NAXD: variants seen among roughly 807,000 people sequenced by gnomAD.
NAXD encodes the protein NAD(P)HX dehydratase.
NAXD carries 22 observed loss-of-function variants against 35.8 expected under a neutral mutation model. That is an observed-to-expected ratio of 0.62 (90% CI 0.44 to 0.88). NAXD has a LOEUF of 0.88. Among genes scored for constraint, NAXD ranks in the 40% least tolerant of loss-of-function variants. The pLI, the probability that NAXD is intolerant of heterozygous loss-of-function variation, is 0.00. For missense variants in NAXD, 428 were observed against 437.7 expected, an observed-to-expected ratio of 0.98 and a Z score of 0.20; for synonymous variants, 189 against 177.6, an observed-to-expected ratio of 1.06 and a Z score of -0.51.
Position 110,637,193 on chromosome 13 carries a change from C to T in NAXD, c.783C>T (p.Gly261=), listed in dbSNP as rs1886957631. ...GAGGGCAAGGGGACCTCCTGTCGGG[C>T]TCCCTGGGCGTCCTGGTACACTGGG... ...RCGGQGDLLS[G]SLGVLVHWAL... Residue 261 remains glycine (G), a synonymous_variant, in exon 9 of 10, where the codon GGC becomes GGT. Transcript: ENST00000680254. 7 of 1,614,028 alleles carry T rather than the reference C, an allele frequency of 4.3e-6. No homozygotes were observed. Among genetic ancestry groups the T allele is most frequent in the Admixed American group, 1.7e-5 (1 of 60,020 alleles).
chr13:110,625,573 A>C (rs1177996811), intron 4 of NAXD, among the ~76,000 whole-genome samples: 1 of 152,192 alleles, frequency 6.6e-6, no homozygotes, highest in East Asian at 1.9e-4. Context: ...CAGAAGGTGG[A>C]AACGAAGGGC....
At chr13:110,633,676 GT>G (rs1170291237) in intron 5 of NAXD, among the ~76,000 whole-genome samples, 1 of 150,396 alleles carries the variant, frequency 6.6e-6, no homozygotes, top group African/African-American at 2.4e-5. Flanking sequence ...CTACTGCAGT[GT>G]ATAATCTTGT....
chr13:110,617,398 A>G (rs1193121752), intron 1 of NAXD, among the ~76,000 whole-genome samples: 4 of 152,176 alleles, frequency 2.6e-5, no homozygotes, highest in Non-Finnish European at 5.9e-5. Context: ...TAAGTCGCCT[A>G]TTGTCAAGGC....
At chr13:110,618,012 T>C (rs1886125965) in intron 1 of NAXD, among the ~76,000 whole-genome samples, 1 of 152,128 alleles carries the variant, frequency 6.6e-6, no homozygotes, top group African/African-American at 2.4e-5. Flanking sequence ...GGGTGCTGAT[T>C]CTCTGCCAGT....
At chr13:110,633,021 G>T (rs942690246) in intron 5 of NAXD, among the ~76,000 whole-genome samples, 4 of 152,192 alleles carry the variant, frequency 2.6e-5, no homozygotes, top group South Asian at 2.1e-4. Flanking sequence ...GTCCTGCGCC[G>T]TGCGTTCGCA....
At chr13:110,633,810 G>A (rs1431177947) in intron 5 of NAXD, among the ~76,000 whole-genome samples, 1 of 151,704 alleles carries the variant, frequency 6.6e-6, no homozygotes, top group Non-Finnish European at 1.5e-5. Context: ...ATCCTATCAG[G>A]GAAAAATGAT....
At chr13:110,624,118 A>G (rs1431463327) in intron 2 of NAXD, 116 bp from the exon 3 acceptor site, 6 of 638,310 alleles carry the variant, frequency 9.4e-6, no homozygotes, top group East Asian at 8.0e-5. Flanking sequence ...TCTGTTATTT[A>G]TTGATAAACC....
chr13:110,617,393 C>T (rs7991483), intron 1 of NAXD, among the ~76,000 whole-genome samples: 1 of 152,142 alleles, frequency 6.6e-6, no homozygotes, highest in Non-Finnish European at 1.5e-5. Flanking sequence ...CATCTTAAGT[C>T]GCCTATTGTC....
chr13:110,615,538 C>G, upstream of NAXD: 1 of 1,322,986 alleles, frequency 7.6e-7, no homozygotes, highest in South Asian at 1.9e-5. Context: ...AACCGGAAAA[C>G]GCTTCCAATG....
chr13:110,618,381 A>C lies in NAXD; in HGVS notation c.46+2734A>C, dbSNP rs561247499. Among the ~76,000 whole-genome samples the C allele has an allele frequency of 3.3e-5, 5 of 152,288 alleles. No individual in the cohort carries two copies. In the East Asian group the frequency reaches 9.7e-4, roughly 29 times the overall value. The stretch of plus-strand genomic sequence containing the variant: ...TTCACAACGGAACAGGAGCAGGAGG[A>C]GGCGACTCCCGCTGGTGGGTTGATC... On this transcript the variant is annotated intron_variant, in intron 1 of 9. Coordinates refer to ENST00000680254, the MANE Select transcript of NAXD (RefSeq NM_001242882.2).
At chr13:110,627,638 T>C (rs939036163) in intron 5 of NAXD, 91 bp downstream of exon 5, 3 of 838,226 alleles carry the variant, frequency 3.6e-6, no homozygotes, top group Non-Finnish European at 6.0e-6. Context: ...TTTTGTGTAG[T>C]GTTCCGTGTG....
chr13:110,633,376 C>T (rs959583060), intron 5 of NAXD, among the ~76,000 whole-genome samples: 8 of 152,230 alleles, frequency 5.3e-5, no homozygotes, highest in African/African-American at 1.7e-4. Context: ...GGCCCGCAAG[C>T]GCTGCAGGCA....
At chr13:110,620,614 G>T (rs977909172) in intron 1 of NAXD, among the ~76,000 whole-genome samples, 11 of 151,960 alleles carry the variant, frequency 7.2e-5, no homozygotes, top group Non-Finnish European at 1.6e-4. Flanking sequence ...GGTTGATGGG[G>T]ATTCATAGGA....
At chr13:110,634,858 C>T in intron 7 of NAXD, 82 bp downstream of exon 7, 1 of 1,033,830 alleles carries the variant, frequency 9.7e-7, no homozygotes, top group Non-Finnish European at 1.5e-6. Context: ...ATGCTTCTGC[C>T]CAGCCTGTCC....
intron 5 of NAXD, among the ~76,000 whole-genome samples, chr13:110,630,738 G>T (rs971546245): frequency 6.6e-6 from 1 of 152,124 alleles, no homozygotes; most frequent in Admixed American, 6.5e-5. Flanking sequence ...GCTTGTGGGT[G>T]TCCAGCTGTT....
At chr13:110,617,009 T>G (rs1198500958) in intron 1 of NAXD, among the ~76,000 whole-genome samples, 1 of 152,172 alleles carries the variant, frequency 6.6e-6, no homozygotes, top group East Asian at 1.9e-4. Flanking sequence ...TATTTAGAGA[T>G]TTATTTGTAG....
At chr13:110,618,425 T>G (rs964999196) in intron 1 of NAXD, among the ~76,000 whole-genome samples, 7 of 152,138 alleles carry the variant, frequency 4.6e-5, no homozygotes, top group African/African-American at 1.7e-4. Flanking sequence ...GTGAAGGTGG[T>G]TTGCACATTT....
chr13:110,620,772 A>G lies in NAXD; in HGVS notation c.47-1444A>G, dbSNP rs545337818. On this transcript the variant is annotated intron_variant, in intron 1 of 9. Transcript: ENST00000680254. ...AAAGCTCTTTTGCTGTGAAACGCTCAGTGAGCTTTGGACTGCAGTCAGTGG... is the reference window on the plus strand; with the variant it reads ...AAAGCTCTTTTGCTGTGAAACGCTCGGTGAGCTTTGGACTGCAGTCAGTGG... Among the ~76,000 whole-genome samples the G allele has an allele frequency of 1.7e-4, 26 of 152,338 alleles. No individual in the cohort carries two copies. The South Asian group carries it at 5.4e-3, about 32-fold the overall frequency.
chr13:110,635,911 G>A (rs533546951), intron 8 of NAXD, among the ~76,000 whole-genome samples: 6 of 152,354 alleles, frequency 3.9e-5, no homozygotes, highest in South Asian at 2.1e-4. Context: ...AGGGTCCCGC[G>A]TCTCCAGCTG....
Sources: allele counts gnomAD v4.1 joint callset (sites outside exome capture counted in the v4.1 genomes callset), GRCh38; gene constraint gnomAD v4.1.1; transcripts MANE v1.5; gene names NCBI Gene and HGNC (gene_info 2026-07-23, HGNC 2026-07-21).